EIF2S3: variants seen among roughly 807,000 people sequenced by gnomAD.
EIF2S3 encodes eukaryotic translation initiation factor 2 subunit gamma, also known as eukaryotic translation initiation factor 2 subunit 3.
A neutral mutation model predicts 31.7 loss-of-function variants in EIF2S3; 2 were observed. The observed-to-expected ratio is 0.06, with a 90% CI of 0.03 to 0.20. The LOEUF (loss-of-function observed/expected upper bound fraction) is 0.20, where lower values mean the gene tolerates loss of function less well. EIF2S3 is among the 10% of genes least tolerant of loss of function. The pLI is 1.00. For synonymous variants in EIF2S3, 120 were observed against 126.7 expected, an observed-to-expected ratio of 0.95 and a Z score of 0.36; for missense variants, 96 against 359.3, an observed-to-expected ratio of 0.27 and a Z score of 5.92.
At chrX:24,060,522 A>G (rs1423703632) in intron 5 of EIF2S3, 7 of 246,682 alleles carry the variant, frequency 2.8e-5, no homozygotes, top group Non-Finnish European at 5.1e-5. Flanking sequence ...GTGTGTGTGT[A>G]TGTCTGAACT....
intron 8 of EIF2S3, among the ~76,000 whole-genome samples, chrX:24,067,483 T>C (rs1376844859): frequency 1.1e-5 from 1 of 94,616 alleles, no homozygotes; most frequent in African/African-American, 3.8e-5. Flanking sequence ...TTTGACAGTC[T>C]CGTTCACATC....
chrX:24,071,171 A>G (rs1319151130), intron 9 of EIF2S3, among the ~76,000 whole-genome samples: 1 of 109,758 alleles, frequency 9.1e-6, no homozygotes, highest in East Asian at 2.9e-4. Context: ...CTGTGCTTAT[A>G]TGGCTTTGGG....
At chrX:24,072,672 C>T (rs978509169) in intron 10 of EIF2S3, among the ~76,000 whole-genome samples, 2 of 111,444 alleles carry the variant, frequency 1.8e-5, no homozygotes, top group African/African-American at 6.5e-5. Flanking sequence ...GGAAAATAAG[C>T]TATCATGCTT....
chrX:24,073,563 G>T (rs1930704865), intron 11 of EIF2S3: 1 of 142,914 alleles, frequency 7.0e-6, no homozygotes, highest in Admixed American at 8.1e-5. Context: ...CGTGGTGGCG[G>T]GCGCCTGTAG....
intron 6 of EIF2S3, among the ~76,000 whole-genome samples, chrX:24,063,947 AATATT>A (rs1445745725): frequency 1.8e-5 from 2 of 111,945 alleles, no homozygotes; most frequent in African/African-American, 3.2e-5. Context: ...TCATTGTACT[AATATT>A]AAGTATGTCT....
chrX:24,072,878 A>G (rs916546797), intron 10 of EIF2S3, among the ~76,000 whole-genome samples: 1 of 111,737 alleles, frequency 8.9e-6, no homozygotes, highest in Admixed American at 9.6e-5. Context: ...TGGTACGGTT[A>G]CTACCCTATT....
At chrX:24,058,748 G>T (rs1260116328) in intron 4 of EIF2S3, among the ~76,000 whole-genome samples, 1 of 108,612 alleles carries the variant, frequency 9.2e-6, no homozygotes, top group South Asian at 4.0e-4. Flanking sequence ...GAGTCTTTCT[G>T]TGTCGCCAGA....
intron 11 of EIF2S3, among the ~76,000 whole-genome samples, chrX:24,075,064 CA>C (rs1930733836): frequency 1.8e-5 from 2 of 108,971 alleles, no homozygotes; most frequent in African/African-American, 6.7e-5. Flanking sequence ...GGGGTTTCAC[CA>C]CGTTGGCCAG....
At chrX:24,074,737 CAT>C (rs977870117) in intron 11 of EIF2S3, among the ~76,000 whole-genome samples, 2 of 109,971 alleles carry the variant, frequency 1.8e-5, no homozygotes, top group African/African-American at 6.6e-5. Context: ...TTTTATTCAA[CAT>C]GTTATGATCC....
rs1470649304 is a variant in EIF2S3, at chrX:24,078,499, A to G, written c.*1714A>G. Reference sequence around the variant, plus strand: ...AGAATTCAGGCATTGATATCTTTAAAAACTCCCCAGTGTTGAGAAACAAAT... The same window carrying G: ...AGAATTCAGGCATTGATATCTTTAAGAACTCCCCAGTGTTGAGAAACAAAT... On this transcript the variant is annotated 3_prime_UTR_variant, in exon 12 of 12. Transcript: ENST00000253039. Among the ~76,000 whole-genome samples, 3 of 111,598 alleles carry G rather than the reference A, an allele frequency of 2.7e-5. No homozygotes were observed. The highest frequency in any genetic ancestry group is 5.6e-5 in the Non-Finnish European group (3 of 53,191).
At chrX:24,069,267 G>T (rs775906643) in intron 9 of EIF2S3, among the ~76,000 whole-genome samples, 66 of 107,344 alleles carry the variant, frequency 6.1e-4, no homozygotes, top group African/African-American at 2.1e-3. Flanking sequence ...CTGTAATCCC[G>T]GCTACTCGGG....
chrX:24,066,657 G>A, intron 8 of EIF2S3, among the ~76,000 whole-genome samples: 1 of 109,225 alleles, frequency 9.2e-6, no homozygotes. Context: ...GGGATTACAA[G>A]CACCCCCCAC....
At chrX:24,057,594 C>T (rs1262647048) in intron 3 of EIF2S3, 39 bp from the exon 4 acceptor site, 1 of 1,208,561 alleles carries the variant, frequency 8.3e-7, no homozygotes, top group Non-Finnish European at 1.1e-6. Context: ...AATTGTTGTG[C>T]AGATAACAAA....
intron 7 of EIF2S3, among the ~76,000 whole-genome samples, chrX:24,065,501 A>G (rs1238039866): frequency 9.0e-6 from 1 of 111,125 alleles, no homozygotes; most frequent in Non-Finnish European, 1.9e-5. Flanking sequence ...GTGTACCTGT[A>G]GTCCGAGCTA....
At chrX:24,060,666 A>G (rs192710705) in intron 5 of EIF2S3, among the ~76,000 whole-genome samples, 1 of 110,656 alleles carries the variant, frequency 9.0e-6, no homozygotes, top group African/African-American at 3.3e-5. Context: ...CTAGGGGGTA[A>G]AATTTTTTAA....
At chrX:24,066,124 G>GTTTT (rs150782745) in intron 8 of EIF2S3, 32 bp downstream of exon 8, 55 of 801,798 alleles carry the variant, frequency 6.9e-5, no homozygotes, top group Non-Finnish European at 7.7e-5. Flanking sequence ...GTGATTTTGG[G>GTTTT]TTTTTTTTTT....
At chrX:24,055,494 G>C (rs895044144) in intron 1 of EIF2S3, 121 bp from the exon 2 acceptor site, 11 of 673,001 alleles carry the variant, frequency 1.6e-5, no homozygotes, top group Non-Finnish European at 2.3e-5. Flanking sequence ...TAGGGAAAAG[G>C]AGCTTTAGAA....
chrX:24,076,044 A>G (rs191501464), intron 11 of EIF2S3, among the ~76,000 whole-genome samples: 6 of 111,424 alleles, frequency 5.4e-5, no homozygotes, highest in Non-Finnish European at 9.4e-5. Context: ...TGTGCCCACG[A>G]TGGTCTCATC....
chrX:24,069,367 ACT>A (rs1321457789), intron 9 of EIF2S3, among the ~76,000 whole-genome samples: 1 of 95,331 alleles, frequency 1.0e-5, no homozygotes, highest in Non-Finnish European at 2.1e-5. Context: ...ACAGAGTGAC[ACT>A]CTGTCTCAAA....
Sources: gnomAD v4.1 joint callset for allele counts (sites outside exome capture counted in the v4.1 genomes callset) on GRCh38, gnomAD v4.1.1 for gene constraint, MANE v1.5 for transcripts, NCBI Gene and HGNC (gene_info 2026-07-23, HGNC 2026-07-21) for gene names.